PAPPA2: variants seen among roughly 807,000 people sequenced by gnomAD.
PAPPA2 encodes the protein pappalysin-2.
A neutral mutation model predicts 176.4 loss-of-function variants in PAPPA2; 86 were observed. That is an observed-to-expected ratio of 0.49 (90% CI 0.41 to 0.58). The LOEUF (loss-of-function observed/expected upper bound fraction) is 0.58. Ranked by LOEUF, PAPPA2 falls within the 20% of genes least tolerant of loss-of-function variation. PAPPA2 has a pLI of 0.00. For missense variants in PAPPA2, 2,073 were observed against 2,256.9 expected (o/e 0.92, Z 1.65); for synonymous variants, 809 against 852.2 (o/e 0.95, Z 0.88).
intron 12 of PAPPA2, among the ~76,000 whole-genome samples, chr1:176,718,716 A>G (rs1661483525): frequency 6.6e-6 from 1 of 151,654 alleles, no homozygotes; most frequent in Non-Finnish European, 1.5e-5. Context: ...TTTAAAAAAA[A>G]AAAACATAGC....
chr1:176,706,548 T>C lies in PAPPA2; in HGVS notation c.3457+98T>C, dbSNP rs146408270. 1.4e-4 allele frequency: 144 copies of C among 1,016,062 alleles called. No homozygotes were observed. In the African/African-American group the frequency reaches 2.0e-3, roughly 14 times the overall value. 62.9% of individuals were successfully genotyped at this position (1,016,062 alleles called of 1,614,324 possible). A position where few individuals can be genotyped will look rare whatever the true frequency, so the allele number is the denominator to read the frequency against. ...CCTGTAACATCTAGCTTAGTGATTATAATAATAACCTCTGATGTGTCCCTT... is the reference window on the plus strand; with the variant it reads ...CCTGTAACATCTAGCTTAGTGATTACAATAATAACCTCTGATGTGTCCCTT... On this transcript the variant is annotated intron_variant, in intron 10 of 22. Transcript: ENST00000367662.
intron 21 of PAPPA2, among the ~76,000 whole-genome samples, chr1:176,828,331 A>G (rs1666937474): frequency 6.6e-6 from 1 of 152,192 alleles, no homozygotes; most frequent in South Asian, 2.1e-4. Flanking sequence ...CCTATATAAA[A>G]CAAAAATAGC....
At chr1:176,570,745 G>A (rs1652278177) in intron 2 of PAPPA2, among the ~76,000 whole-genome samples, 1 of 150,954 alleles carries the variant, frequency 6.6e-6, no homozygotes, top group Non-Finnish European at 1.5e-5. Context: ...GCAGAGGAGG[G>A]GGCACAAGGA....
intron 3 of PAPPA2, among the ~76,000 whole-genome samples, chr1:176,625,317 A>ACTGT (rs1238152778): frequency 1.3e-5 from 2 of 152,174 alleles, no homozygotes; most frequent in Non-Finnish European, 2.9e-5. Context: ...GCAGAGAAGG[A>ACTGT]CTGTCATTTT....
intron 1 of PAPPA2, among the ~76,000 whole-genome samples, chr1:176,527,816 G>A (rs1649579172): frequency 6.6e-6 from 1 of 152,136 alleles, no homozygotes; most frequent in South Asian, 2.1e-4. Flanking sequence ...CTGAGAGATA[G>A]GAGGGTAGAA....
chr1:176,613,444 G>T lies in PAPPA2; in HGVS notation c.1991+17849G>T, dbSNP rs1490193386. On this transcript the variant is annotated intron_variant, in intron 3 of 22. Coordinates refer to ENST00000367662, the MANE Select transcript of PAPPA2 (RefSeq NM_020318.3). ...ATTATTGGATTAGATAATCCAAAGA[G>T]AAGTCAACTGGCTCTTGTTTGTTTC... 4.6e-5 allele frequency among the ~76,000 whole-genome samples: 7 copies of T among 152,192 alleles called. No individual in the cohort carries two copies. The East Asian group carries it at 1.3e-3, about 29-fold the overall frequency.
chr1:176,655,214 A>G (rs1657964435), intron 3 of PAPPA2, among the ~76,000 whole-genome samples: 1 of 151,832 alleles, frequency 6.6e-6, no homozygotes, highest in Non-Finnish European at 1.5e-5. Flanking sequence ...GTTTTGTCAT[A>G]TATGACTTTT....
intron 9 of PAPPA2, among the ~76,000 whole-genome samples, chr1:176,703,815 C>T (rs777373358): frequency 1.3e-5 from 2 of 152,258 alleles, no homozygotes; most frequent in African/African-American, 2.4e-5. Context: ...ACCTTGCTCA[C>T]GTGCTGTCCC....
chr1:176,755,444 A>G (rs549371738), intron 14 of PAPPA2, among the ~76,000 whole-genome samples: 4 of 152,292 alleles, frequency 2.6e-5, no homozygotes, highest in African/African-American at 9.6e-5. Flanking sequence ...GCTCATGCCC[A>G]TTAAACTTCA....
intron 14 of PAPPA2, among the ~76,000 whole-genome samples, chr1:176,750,158 T>G (rs531588322): frequency 1.3e-5 from 2 of 152,180 alleles, no homozygotes; most frequent in Non-Finnish European, 2.9e-5. Flanking sequence ...TAAATCTTTA[T>G]TTTTCTATTT....
rs554661292 is a variant in PAPPA2, at chr1:176,682,578, A to G, written c.2138-7559A>G. On this transcript the variant is annotated intron_variant, in intron 4 of 22. Coordinates refer to ENST00000367662, the MANE Select transcript of PAPPA2 (RefSeq NM_020318.3). Reference sequence around the variant, plus strand: ...TGCAGGCATACAATGTGTGGTGATCAGTTATTTCTTTGTGTTAAGAACATT... The same window carrying G: ...TGCAGGCATACAATGTGTGGTGATCGGTTATTTCTTTGTGTTAAGAACATT... Among the ~76,000 whole-genome samples, 9 of 152,286 alleles carry G rather than the reference A, an allele frequency of 5.9e-5. No individual in the cohort carries two copies. In the East Asian group the frequency reaches 1.5e-3, roughly 26 times the overall value.
intron 1 of PAPPA2, among the ~76,000 whole-genome samples, chr1:176,524,123 G>A (rs1247804626): frequency 2.0e-5 from 3 of 152,160 alleles, no homozygotes; most frequent in Non-Finnish European, 4.4e-5. Context: ...TGGCACTCTT[G>A]CATTTCTTTG....
chr1:176,559,533 C>T lies in PAPPA2; in HGVS notation c.919+2292C>T, dbSNP rs764870879. On this transcript the variant is annotated intron_variant, in intron 2 of 22. Transcript: ENST00000367662. ...TACTCACTGTGCTTAGCTGCTTACA[C>T]TTCACCTGTGCTCTCCATGCCTGAG... Among the ~76,000 whole-genome samples, 10 of 152,212 alleles carry T rather than the reference C, an allele frequency of 6.6e-5. 1 individual carries two copies. Among genetic ancestry groups the T allele is most frequent in the Non-Finnish European group, 1.3e-4 (9 of 68,030 alleles).
chr1:176,735,178 A>C (rs1190655568), intron 12 of PAPPA2, among the ~76,000 whole-genome samples: 1 of 152,092 alleles, frequency 6.6e-6, no homozygotes, highest in Non-Finnish European at 1.5e-5. Context: ...ATAAAATCAC[A>C]ATGAGCGCAG....
At position 176,706,399 on chromosome 1, in the gene PAPPA2, G is replaced by A. The variant is rs1201349894; in HGVS notation, c.3406G>A (p.Gly1136Arg). 2.2e-5 allele frequency: 36 copies of A among 1,613,750 alleles called. No homozygotes were observed. Among genetic ancestry groups the A allele is most frequent in the Middle Eastern group, 1.6e-4 (1 of 6,062 alleles). ...GTGTGATGATGGAGACCTTGTGAGC[G>A]GAGATGGCTGCTCCAAGGTGTGTGA... Reference protein sequence around the residue: ...EECDDGDLVSGDGCSKVCELE... With the variant: ...EECDDGDLVSRDGCSKVCELE... The change falls in exon 10 of 23, where the codon GGA becomes AGA. Residue 1136 changes from glycine to arginine, a missense_variant. By Grantham distance (125) the Gly-to-Arg change is moderately radical. Transcript: ENST00000367662.
chr1:176,731,797 G>T (rs553068832), intron 12 of PAPPA2, among the ~76,000 whole-genome samples: 38 of 151,448 alleles, frequency 2.5e-4, no homozygotes, highest in African/African-American at 9.0e-4. Flanking sequence ...CAAGTTTATT[G>T]TACATTCTTA....
intron 17 of PAPPA2, among the ~76,000 whole-genome samples, chr1:176,784,429 T>C (rs1664844489): frequency 6.6e-6 from 1 of 152,180 alleles, no homozygotes; most frequent in African/African-American, 2.4e-5. Flanking sequence ...AGTCCATCCA[T>C]TGCTGTGTCT....
chr1:176,705,570 A>G (rs1403506781), intron 9 of PAPPA2, among the ~76,000 whole-genome samples: 1 of 152,198 alleles, frequency 6.6e-6, no homozygotes, highest in Non-Finnish European at 1.5e-5. Flanking sequence ...CAATAGCCAA[A>G]TATTGGTTCT....
Position 176,595,477 on chromosome 1 carries a change from G to A in PAPPA2, c.1873G>A (p.Asp625Asn). Residue 625 changes from aspartate to asparagine, a missense_variant, in exon 3 of 23, where the codon GAT becomes AAT. By Grantham distance (23) the Asp-to-Asn change is conservative. Around this residue, in one of 4 missense-constraint regions of PAPPA2, gnomAD observed 1,196 missense variants for 1,330.4 expected, o/e 0.90. Transcript: ENST00000367662. ...QGRCYSWNRR[D>N]GLCHVECNNM... ...CCGCTGCTACTCCTGGAACCGCAGG[G>A]ATGGGCTCTGTCACGTGGAGTGTAA... 1 of 1,614,234 alleles carries A rather than the reference G, an allele frequency of 6.2e-7. No homozygotes were observed. Among genetic ancestry groups the A allele is most frequent in the Non-Finnish European group, 8.5e-7 (1 of 1,180,048 alleles).
Sources: gnomAD v4.1 joint callset for allele counts (sites outside exome capture counted in the v4.1 genomes callset) on GRCh38, gnomAD v4.1.1 for gene constraint, gnomAD v4.1.1 regional missense constraint, MANE v1.5 for transcripts, NCBI Gene and HGNC (gene_info 2026-07-23, HGNC 2026-07-21) for gene names.